Variants in UBR3 observed in about 807,000 individuals in gnomAD.
UBR3 encodes the protein ubiquitin protein ligase E3 component n-recognin 3, also known as E3 ubiquitin-protein ligase UBR3.
A neutral mutation model predicts 243.2 loss-of-function variants in UBR3; 85 were observed. That is an observed-to-expected ratio of 0.35 (90% CI 0.29 to 0.42). UBR3 has a LOEUF of 0.42. Ranked by LOEUF, UBR3 falls within the 10% of genes least tolerant of loss-of-function variation. The pLI, the probability that UBR3 is intolerant of heterozygous loss-of-function variation, is 1.00. For synonymous variants in UBR3, 748 were observed against 799.8 expected (o/e 0.94, Z 1.09); for missense variants, 1,686 against 2,300.8 (o/e 0.73, Z 5.47).
intron 31 of UBR3, among the ~76,000 whole-genome samples, chr2:170,035,910 T>TTGGA (rs71006065): frequency 1.5e-4 from 18 of 120,438 alleles, no homozygotes; most frequent in South Asian, 1.3e-3. Context: ...AGTATTTTAT[T>TTGGA]GGGGGGGGGG....
At chr2:169,851,399 G>A (rs138601607) in intron 1 of UBR3, among the ~76,000 whole-genome samples, 1 of 152,334 alleles carries the variant, frequency 6.6e-6, no homozygotes, top group East Asian at 1.9e-4. Context: ...AAAGCATTGG[G>A]ATTACAGGCG....
intron 32 of UBR3, 32 bp downstream of exon 32, chr2:170,041,017 T>A (rs1164570420): frequency 6.4e-7 from 1 of 1,564,902 alleles, no homozygotes; most frequent in Admixed American, 1.7e-5. Flanking sequence ...TCTTTGATTA[T>A]ATACTATGTA....
chr2:169,838,041 A>G (rs1350130503), intron 1 of UBR3, among the ~76,000 whole-genome samples: 1 of 152,198 alleles, frequency 6.6e-6, no homozygotes, highest in Non-Finnish European at 1.5e-5. Context: ...AGTCTTCAAA[A>G]GGGTTTTTGG....
At chr2:169,844,967 A>G (rs972670504) in intron 1 of UBR3, among the ~76,000 whole-genome samples, 7 of 152,044 alleles carry the variant, frequency 4.6e-5, no homozygotes, top group African/African-American at 1.7e-4. Context: ...GGCAGCTTAG[A>G]TTTGTAGTCT....
intron 23 of UBR3, among the ~76,000 whole-genome samples, chr2:169,951,551 AG>A (rs2087030469): frequency 6.6e-6 from 1 of 152,182 alleles, no homozygotes; most frequent in South Asian, 2.1e-4. Context: ...TTAGGTACAC[AG>A]GGTGTTAATG....
At chr2:169,852,709 G>A (rs1232963247) in intron 1 of UBR3, among the ~76,000 whole-genome samples, 1 of 151,354 alleles carries the variant, frequency 6.6e-6, no homozygotes, top group Non-Finnish European at 1.5e-5. Context: ...AAAAAAGCTG[G>A]GTGTGGTGGC....
chr2:169,931,800 A>C (rs2086143519), intron 18 of UBR3, among the ~76,000 whole-genome samples: 1 of 152,106 alleles, frequency 6.6e-6, no homozygotes, highest in Non-Finnish European at 1.5e-5. Flanking sequence ...ATTATTAGTG[A>C]GGTGTCATGA....
At chr2:170,080,133 C>A (rs2091882418) in intron 37 of UBR3, 110 bp downstream of exon 37, 3 of 994,332 alleles carry the variant, frequency 3.0e-6, no homozygotes, top group Non-Finnish European at 4.4e-6. Context: ...GTATATAATA[C>A]ATATAGGGAT....
intron 19 of UBR3, among the ~76,000 whole-genome samples, chr2:169,939,262 C>CT (rs201824066): frequency 0.059 from 8,396 of 142,020 alleles, 487 homozygotes; most frequent in African/African-American, 0.15. Context: ...TACTTATTAA[C>CT]TTTTTTTTTT....
At chr2:169,929,628 A>C (rs1574224512) in intron 18 of UBR3, among the ~76,000 whole-genome samples, 2 of 152,198 alleles carry the variant, frequency 1.3e-5, no homozygotes, top group Non-Finnish European at 2.9e-5. Flanking sequence ...TACATTTTGA[A>C]CCTATGTTAA....
intron 1 of UBR3, among the ~76,000 whole-genome samples, chr2:169,868,302 C>A (rs1330520331): frequency 6.6e-6 from 1 of 152,104 alleles, no homozygotes; most frequent in Non-Finnish European, 1.5e-5. Flanking sequence ...ATCTGTAAAT[C>A]CCTGTCTCTG....
At chr2:169,869,216 G>GTTTTTTTTTTT (rs11344991) in intron 1 of UBR3, among the ~76,000 whole-genome samples, 1 of 56,212 alleles carries the variant, frequency 1.8e-5, no homozygotes, top group Non-Finnish European at 3.2e-5. Flanking sequence ...GATTGATAAG[G>GTTTTTTTTTTT]TTTTTTTTTT....
chr2:169,830,874 G>C (rs943625893), intron 1 of UBR3, among the ~76,000 whole-genome samples: 1 of 151,510 alleles, frequency 6.6e-6, no homozygotes, highest in African/African-American at 2.4e-5. Flanking sequence ...CTGACTTTTG[G>C]AATACAGTGG....
At chr2:169,854,732 C>T (rs1235649129) in intron 1 of UBR3, among the ~76,000 whole-genome samples, 1 of 151,912 alleles carries the variant, frequency 6.6e-6, no homozygotes. Context: ...TACCTTATTT[C>T]TAATCTGAAA....
chr2:169,972,864 A>G (rs2088231057), intron 24 of UBR3, among the ~76,000 whole-genome samples: 1 of 151,562 alleles, frequency 6.6e-6, no homozygotes, highest in Admixed American at 6.6e-5. Context: ...CAAGACAGGG[A>G]TGCCCTCTCT....
intron 5 of UBR3, among the ~76,000 whole-genome samples, chr2:169,881,543 T>C (rs1255096871): frequency 5.3e-5 from 8 of 150,720 alleles, no homozygotes; most frequent in Non-Finnish European, 1.5e-5. Flanking sequence ...AAAAATAGGG[T>C]CATTTAGGCA....
intron 6 of UBR3, among the ~76,000 whole-genome samples, chr2:169,893,909 T>TAC: frequency 6.6e-6 from 1 of 152,210 alleles, no homozygotes; most frequent in Admixed American, 6.5e-5. Context: ...TACCTGATTC[T>TAC]CTTGGGCCCT....
At chr2:169,982,526 A>G (rs774776112) in intron 24 of UBR3, among the ~76,000 whole-genome samples, 1 of 152,142 alleles carries the variant, frequency 6.6e-6, no homozygotes, top group Non-Finnish European at 1.5e-5. Context: ...GAACTGTGGT[A>G]TTTGTGAATA....
chr2:169,881,981 A>G (rs1205104277), intron 5 of UBR3, among the ~76,000 whole-genome samples: 3 of 113,602 alleles, frequency 2.6e-5, no homozygotes, highest in East Asian at 2.2e-4. Context: ...ATTATATTAT[A>G]TATGTATATG....
Sources: allele counts gnomAD v4.1 joint callset (sites outside exome capture counted in the v4.1 genomes callset), GRCh38; gene constraint gnomAD v4.1.1; transcripts MANE v1.5; gene names NCBI Gene and HGNC (gene_info 2026-07-23, HGNC 2026-07-21).